The following SLC4A10 variants were observed in gnomAD, a reference collection of about 807,000 sequenced individuals.
The protein encoded by SLC4A10 is sodium-driven chloride bicarbonate exchanger.
Under a neutral mutation model 137.7 loss-of-function variants are expected in SLC4A10, and 42 were observed. The ratio of observed to expected loss-of-function variants is 0.30; its 90% CI spans 0.24 to 0.39. The LOEUF (loss-of-function observed/expected upper bound fraction) is 0.39. Among genes scored for constraint, SLC4A10 ranks in the 10% least tolerant of loss-of-function variants. The pLI is 1.00. For synonymous variants in SLC4A10, 474 were observed against 464.1 expected, an observed-to-expected ratio of 1.02 and a Z score of -0.27; for missense variants, 925 against 1,355.0, an observed-to-expected ratio of 0.68 and a Z score of 4.98.
chr2:161,723,353 C>A (rs1449283421), intron 1 of SLC4A10, among the ~76,000 whole-genome samples: 1 of 152,160 alleles, frequency 6.6e-6, no homozygotes, highest in Non-Finnish European at 1.5e-5. Context: ...TTTTCTCGCT[C>A]TCCGTGGGTC....
At chr2:161,928,649 C>CAAAA (rs34327479) in intron 15 of SLC4A10, among the ~76,000 whole-genome samples, 4 of 99,324 alleles carry the variant, frequency 4.0e-5, no homozygotes, top group Admixed American at 1.0e-4. Flanking sequence ...TCCTTGAAAG[C>CAAAA]AAAAAAAAAA....
intron 11 of SLC4A10, among the ~76,000 whole-genome samples, chr2:161,896,407 A>G (rs200447543): frequency 0.068 from 10,335 of 151,890 alleles, 452 homozygotes; most frequent in East Asian, 0.13. Flanking sequence ...GCTCTTTTTT[A>G]GTTCCATATG....
chr2:161,752,237 G>A (rs981552914), intron 1 of SLC4A10, among the ~76,000 whole-genome samples: 1 of 151,940 alleles, frequency 6.6e-6, no homozygotes, highest in East Asian at 1.9e-4. Context: ...TCTGGCTCCA[G>A]TAAGGACCTA....
chr2:161,624,510 T>A lies in SLC4A10; in HGVS notation c.-9T>A, dbSNP rs1573940811. On this transcript the variant is annotated 5_prime_UTR_variant, in exon 1 of 27. Coordinates refer to ENST00000446997, the MANE Select transcript of SLC4A10 (RefSeq NM_001178015.2). ...GAGCAAGGTGCTTATTCCAGAGGCGTTACAAAACATGGAGATTAAAGACCA... is the reference window on the plus strand; with the variant it reads ...GAGCAAGGTGCTTATTCCAGAGGCGATACAAAACATGGAGATTAAAGACCA... 1.3e-6 allele frequency: 2 copies of A among 1,553,294 alleles called. No individual in the cohort carries two copies. The highest frequency in any genetic ancestry group is 4.9e-5 in the East Asian group (2 of 40,972).
chr2:161,906,142 A>C lies in SLC4A10; in HGVS notation c.1997+255A>C, dbSNP rs576595057. Among the ~76,000 whole-genome samples, 115 of 152,326 alleles carry C rather than the reference A, an allele frequency of 7.5e-4. 1 individual carries two copies. In the South Asian group the frequency reaches 0.015, roughly 20 times the overall value. ...CTATTTGTCCAGTGTTCTCTAAAAT[A>C]AGTAGATAAGGAACCAATTCCATTT... On this transcript the variant is annotated intron_variant, in intron 15 of 26. Coordinates refer to ENST00000446997, the MANE Select transcript of SLC4A10 (RefSeq NM_001178015.2).
chr2:161,812,638 G>A (rs2056665921), intron 3 of SLC4A10, among the ~76,000 whole-genome samples: 1 of 152,018 alleles, frequency 6.6e-6, no homozygotes, highest in African/African-American at 2.4e-5. Context: ...CTGTTCCTGA[G>A]TTAATTTGCT....
chr2:161,915,666 G>T (rs1176063184), intron 15 of SLC4A10, among the ~76,000 whole-genome samples: 1 of 152,208 alleles, frequency 6.6e-6, no homozygotes, highest in African/African-American at 2.4e-5. Context: ...TCCTCTTGCA[G>T]GCTCTAAAGC....
At chr2:161,694,714 C>T (rs1312726818) in intron 1 of SLC4A10, among the ~76,000 whole-genome samples, 1 of 151,998 alleles carries the variant, frequency 6.6e-6, no homozygotes, top group Non-Finnish European at 1.5e-5. Flanking sequence ...TAATTTAAAA[C>T]AGGCTTTAAA....
chr2:161,930,407 T>G (rs1320983385), intron 15 of SLC4A10, among the ~76,000 whole-genome samples: 1 of 152,070 alleles, frequency 6.6e-6, no homozygotes, highest in Non-Finnish European at 1.5e-5. Flanking sequence ...GACCGTTACT[T>G]TGTATTGAAC....
In SLC4A10 at chr2:161,760,592, A is replaced by C. The variant is rs376301097; in HGVS notation, c.49-10381A>C. On this transcript the variant is annotated intron_variant, in intron 1 of 26. Coordinates refer to ENST00000446997, the MANE Select transcript of SLC4A10 (RefSeq NM_001178015.2). ...TAACTCAGCTCTTGTTTTGATACTT[A>C]TGACTAAACTATCACTTTTCCCCCT... Among the ~76,000 whole-genome samples the C allele has an allele frequency of 1.1e-4, 16 of 152,152 alleles. No homozygotes were observed. The East Asian group carries it at 2.3e-3, about 22-fold the overall frequency.
At chr2:161,767,098 T>C (rs1205187351) in intron 1 of SLC4A10, among the ~76,000 whole-genome samples, 1 of 17,252 alleles carries the variant, frequency 5.8e-5, no homozygotes, top group Non-Finnish European at 9.1e-5. Context: ...AAGAAGCATA[T>C]ATATATATAT....
chr2:161,682,722 A>T (rs1350562262), intron 1 of SLC4A10, among the ~76,000 whole-genome samples: 1 of 152,042 alleles, frequency 6.6e-6, no homozygotes, highest in Non-Finnish European at 1.5e-5. Flanking sequence ...TCAGATGAAA[A>T]GCTGAACGGC....
intron 1 of SLC4A10, among the ~76,000 whole-genome samples, chr2:161,688,063 A>G (rs919846488): frequency 1.3e-5 from 2 of 152,252 alleles, no homozygotes; most frequent in South Asian, 4.1e-4. Context: ...TCATACATAA[A>G]TGACAATAGA....
intron 2 of SLC4A10, among the ~76,000 whole-genome samples, chr2:161,771,619 C>T (rs983638492): frequency 6.6e-6 from 1 of 151,820 alleles, no homozygotes; most frequent in African/African-American, 2.4e-5. Context: ...AGTTACTTAC[C>T]TTTTCTGAAC....
At chr2:161,880,339 A>C (rs938239070) in intron 9 of SLC4A10, among the ~76,000 whole-genome samples, 3 of 152,096 alleles carry the variant, frequency 2.0e-5, no homozygotes, top group African/African-American at 7.2e-5. Context: ...TTTGGCCTTA[A>C]CTCAAAATAT....
rs137953734 is a variant in SLC4A10 at position 161,761,333 on chromosome 2, G to A, written c.49-9640G>A. On this transcript the variant is annotated intron_variant, in intron 1 of 26. Coordinates refer to ENST00000446997, the MANE Select transcript of SLC4A10 (RefSeq NM_001178015.2). ...TGGCAGATGCTTAGGGAAGGACACA[G>A]CAGGACAAATAAATGAAGGCCTGCA... Among the ~76,000 whole-genome samples, 12 of 152,176 alleles carry A rather than the reference G, an allele frequency of 7.9e-5. No individual in the cohort carries two copies. In the East Asian group the frequency reaches 2.3e-3, roughly 30 times the overall value.
At chr2:161,807,732 C>T (rs1416459308) in intron 3 of SLC4A10, among the ~76,000 whole-genome samples, 1 of 152,076 alleles carries the variant, frequency 6.6e-6, no homozygotes, top group Non-Finnish European at 1.5e-5. Flanking sequence ...CATACCTTTA[C>T]TGCCTCTTTT....
chr2:161,802,811 A>G (rs1410169287), intron 2 of SLC4A10, among the ~76,000 whole-genome samples: 2 of 152,082 alleles, frequency 1.3e-5, no homozygotes, highest in African/African-American at 2.4e-5. Flanking sequence ...ACAGAGAGCA[A>G]GAGAGGTAGC....
intron 2 of SLC4A10, among the ~76,000 whole-genome samples, chr2:161,793,489 ATG>A (rs2054432928): frequency 7.3e-6 from 1 of 136,060 alleles, no homozygotes; most frequent in Admixed American, 8.4e-5. Context: ...CTCTAGTTCT[ATG>A]TGTTTGCCTC....
Sources: gnomAD v4.1 joint callset for allele counts (sites outside exome capture counted in the v4.1 genomes callset) on GRCh38, gnomAD v4.1.1 for gene constraint, MANE v1.5 for transcripts, NCBI Gene and HGNC (gene_info 2026-07-23, HGNC 2026-07-21) for gene names.